The following GSE1 variants were observed in gnomAD, a reference collection of about 807,000 sequenced individuals.
The protein encoded by GSE1 is Gse1 coiled-coil protein.
A neutral mutation model predicts 112.6 loss-of-function variants in GSE1; 32 were observed. That is an observed-to-expected ratio of 0.28 (90% CI 0.21 to 0.38). The LOEUF (loss-of-function observed/expected upper bound fraction) is 0.38. Ranked by LOEUF, GSE1 falls within the 10% of genes least tolerant of loss-of-function variation. The pLI is 1.00. For synonymous variants in GSE1, 1,115 were observed against 735.6 expected (o/e 1.52, Z -8.35); for missense variants, 2,348 against 1,699.2 (o/e 1.38, Z -6.71).
At chr16:85,332,376 G>A (rs1379166088) in intron 1 of GSE1, among the ~76,000 whole-genome samples, 2 of 152,186 alleles carry the variant, frequency 1.3e-5, no homozygotes, top group Non-Finnish European at 2.9e-5. Flanking sequence ...CACTGCAGGT[G>A]CTTTGTCCTT....
At chr16:85,175,729 C>T (rs531843433) in intron 1 of GSE1, among the ~76,000 whole-genome samples, 8 of 152,180 alleles carry the variant, frequency 5.3e-5, no homozygotes, top group East Asian at 1.9e-4. Context: ...CGTGATAATG[C>T]GGGTGATAAC....
At chr16:85,318,695 T>TG (rs1377707120) in intron 1 of GSE1, among the ~76,000 whole-genome samples, 1 of 152,158 alleles carries the variant, frequency 6.6e-6, no homozygotes, top group Admixed American at 6.5e-5. Flanking sequence ...TCAGAGGTGG[T>TG]GGGGTTGGCA....
At chr16:85,302,881 G>A (rs893510803) in intron 1 of GSE1, among the ~76,000 whole-genome samples, 4 of 152,190 alleles carry the variant, frequency 2.6e-5, no homozygotes, top group Admixed American at 1.3e-4. Context: ...CAGCCGAAGC[G>A]CATTCTCCTT....
chr16:85,336,246 G>C (rs1446118808), intron 1 of GSE1, among the ~76,000 whole-genome samples: 1 of 152,178 alleles, frequency 6.6e-6, no homozygotes, highest in Non-Finnish European at 1.5e-5. Flanking sequence ...GCAGTGTTTG[G>C]GGATTGGCTG....
chr16:85,397,547 A>C (rs933860449), intron 2 of GSE1, among the ~76,000 whole-genome samples: 1 of 152,200 alleles, frequency 6.6e-6, no homozygotes, highest in African/African-American at 2.4e-5. Flanking sequence ...CGCTGCCTCC[A>C]GCTTCTGGAG....
At chr16:85,478,903 CTTTCTTTCTT>C (rs2050567775) in intron 2 of GSE1, among the ~76,000 whole-genome samples, 2 of 67,608 alleles carry the variant, frequency 3.0e-5, no homozygotes, top group African/African-American at 1.4e-4. Flanking sequence ...TTCTTTCTTT[CTTTCTTTCTT>C]TCTTTCTTTC....
chr16:85,632,915 C>T (rs909155469), intron 1 of GSE1, among the ~76,000 whole-genome samples: 10 of 152,176 alleles, frequency 6.6e-5, no homozygotes, highest in Non-Finnish European at 1.2e-4. Flanking sequence ...ATTGGACACA[C>T]GGGGTGGGCG....
chr16:85,282,756 C>T (rs1214289158), intron 1 of GSE1, among the ~76,000 whole-genome samples: 1 of 152,222 alleles, frequency 6.6e-6, no homozygotes, highest in Non-Finnish European at 1.5e-5. Context: ...AATGTTATCA[C>T]CTGCCTTGAA....
chr16:85,185,576 G>A lies in GSE1; in HGVS notation c.2283+13769G>A, dbSNP rs371037277. 4.6e-5 allele frequency among the ~76,000 whole-genome samples: 7 copies of A among 152,338 alleles called. No individual in the cohort carries two copies. The East Asian group carries it at 9.6e-4, about 21-fold the overall frequency. On this transcript the variant is annotated intron_variant, in intron 1 of 2. Transcript: ENST00000637419. ...AAGCTCTAGCTCTGGAGCTCCTGGC[G>A]CCATCTCCCTGTTTGGTGAGATGGT...
At chr16:85,289,857 G>T (rs2045154633) in intron 1 of GSE1, among the ~76,000 whole-genome samples, 1 of 152,152 alleles carries the variant, frequency 6.6e-6, no homozygotes, top group Non-Finnish European at 1.5e-5. Flanking sequence ...TGAAAACCAC[G>T]GTTTTACTCA....
chr16:85,476,089 C>G (rs1212417895), intron 2 of GSE1, among the ~76,000 whole-genome samples: 3 of 152,140 alleles, frequency 2.0e-5, no homozygotes, highest in African/African-American at 7.2e-5. Context: ...TGCCACCACG[C>G]CCAGCTAATT....
intron 2 of GSE1, among the ~76,000 whole-genome samples, chr16:85,521,822 C>T (rs933218866): frequency 3.9e-5 from 6 of 152,244 alleles, no homozygotes; most frequent in African/African-American, 9.6e-5. Context: ...ATCCGGAGCG[C>T]GCTGGCGCTC....
At chr16:85,289,257 C>G (rs1007842039) in intron 1 of GSE1, among the ~76,000 whole-genome samples, 1 of 152,286 alleles carries the variant, frequency 6.6e-6, no homozygotes, top group East Asian at 1.9e-4. Flanking sequence ...AGTTCATCCT[C>G]CCGCCATTGG....
intron 1 of GSE1, among the ~76,000 whole-genome samples, chr16:85,239,262 G>A (rs1904976864): frequency 6.6e-6 from 1 of 152,264 alleles, no homozygotes; most frequent in Admixed American, 6.5e-5. Flanking sequence ...GAAAGTCATT[G>A]GAAGGTGTTA....
At chr16:85,639,523 T>C (rs2050270568) in intron 2 of GSE1, among the ~76,000 whole-genome samples, 1 of 152,254 alleles carries the variant, frequency 6.6e-6, no homozygotes, top group Admixed American at 6.5e-5. Flanking sequence ...CTTGCGGGTG[T>C]GTCGGGATCC....
rs1185464708 is a variant in GSE1 at position 85,236,646 on chromosome 16, T to A, written c.2283+64839T>A. On this transcript the variant is annotated intron_variant, in intron 1 of 2. Coordinates refer to the GSE1 transcript ENST00000637419. ...CCTGCTCTTGGGTCCCAACAGCCTG[T>A]ATTTCTTTGGACTTTGTGGTTGAGT... 4.6e-5 allele frequency among the ~76,000 whole-genome samples: 7 copies of A among 152,150 alleles called. No homozygotes were observed. The East Asian group carries it at 1.3e-3, about 29-fold the overall frequency.
chr16:85,388,168 G>GTGGA (rs2047734521), intron 2 of GSE1, among the ~76,000 whole-genome samples: 1 of 146,836 alleles, frequency 6.8e-6, no homozygotes. Flanking sequence ...GGGTGAGTGG[G>GTGGA]TGGATGGGTG....
intron 2 of GSE1, among the ~76,000 whole-genome samples, chr16:85,478,147 T>C (rs913339749): frequency 2.0e-5 from 3 of 152,204 alleles, no homozygotes; most frequent in African/African-American, 4.8e-5. Context: ...TGTGTCCAGC[T>C]TCTTCCAGGA....
intron 2 of GSE1, among the ~76,000 whole-genome samples, chr16:85,547,373 C>G (rs2044736743): frequency 6.6e-6 from 1 of 152,216 alleles, no homozygotes; most frequent in South Asian, 2.1e-4. Context: ...TCCTTCCTGC[C>G]TCTTCCAGCA....
Sources: gnomAD v4.1 joint callset for allele counts (sites outside exome capture counted in the v4.1 genomes callset) on GRCh38, gnomAD v4.1.1 for gene constraint, MANE v1.5 for transcripts, NCBI Gene and HGNC (gene_info 2026-07-23, HGNC 2026-07-21) for gene names.